SYTL5: variants seen among roughly 807,000 people sequenced by gnomAD.
The protein encoded by SYTL5 is synaptotagmin like 5.
A neutral mutation model predicts 55.9 loss-of-function variants in SYTL5; 34 were observed. The observed-to-expected ratio is 0.61, with a 90% CI of 0.46 to 0.81. The LOEUF (loss-of-function observed/expected upper bound fraction) is 0.81, where lower values mean the gene tolerates loss of function less well. Ranked by LOEUF, SYTL5 falls within the 30% of genes least tolerant of loss-of-function variation. The probability of loss-of-function intolerance (pLI) is 0.00; values close to 1 mark genes in which losing one functional copy is unlikely to be tolerated. For synonymous variants in SYTL5, 221 were observed against 188.7 expected (o/e 1.17, Z -1.40); for missense variants, 637 against 546.7 (o/e 1.17, Z -1.65).
chrX:37,984,832 C>T, the SYTL5 span, among the ~76,000 whole-genome samples: 12 of 111,638 alleles, frequency 1.1e-4, no homozygotes, highest in African/African-American at 3.9e-4. Flanking sequence ...TGGTTTAACA[C>T]CCCAAAATTA....
chrX:37,906,484 G>A, the SYTL5 span: 3 of 111,703 alleles, frequency 2.7e-5, no homozygotes, highest in Non-Finnish European at 5.6e-5. Flanking sequence ...GAGAGCCAGA[G>A]GGCTTAGCTG....
Position 38,076,791 on chromosome X carries a change from T to C in SYTL5, c.689+90T>C, listed in dbSNP as rs762285223. 79 of 965,730 alleles carry C rather than the reference T, an allele frequency of 8.2e-5. No individual in the cohort carries two copies. The Middle Eastern group carries it at 1.7e-3, about 21-fold the overall frequency. The allele number at this position is 965,730 out of a possible 1,213,427, so 79.6% of individuals were successfully genotyped here. A position where few individuals can be genotyped will look rare whatever the true frequency, so the allele number is the denominator to read the frequency against. ...AGGGGGATTTTAGGTATCTGTGAAA[T>C]ATTACCACTTGGAGAACTCCTAACA... On this transcript the variant is annotated intron_variant, in intron 6 of 16. Coordinates refer to ENST00000297875, the MANE Select transcript of SYTL5 (RefSeq NM_138780.3).
At chrX:37,914,413 C>T in the SYTL5 span, among the ~76,000 whole-genome samples, 3 of 111,555 alleles carry the variant, frequency 2.7e-5, no homozygotes, top group Non-Finnish European at 5.7e-5. Flanking sequence ...TTTCTCTATG[C>T]AAGAACACAG....
At chrX:38,089,408 G>T in intron 6 of SYTL5, 38 bp from the exon 7 acceptor site, 1 of 1,181,073 alleles carries the variant, frequency 8.5e-7, no homozygotes, top group Non-Finnish European at 1.1e-6. Flanking sequence ...TTGCTGCTCT[G>T]CTTCCATGTT....
Position 38,122,178 on chromosome X carries a change from G to T in SYTL5, c.1804G>T (p.Val602Leu). 1 of 1,209,211 alleles carries T rather than the reference G, an allele frequency of 8.3e-7. No individual in the cohort carries two copies. Among genetic ancestry groups the T allele is most frequent in the African/African-American group, 1.7e-5 (1 of 57,807 alleles). ...FIKEAKNLTA[V>L]KSGGTSDSFV... Reference sequence around the variant, plus strand: ...CAAAGAGGCAAAGAATTTGACAGCAGTGAAGTCAGGAGGCACTTCTGATAG... The same window carrying T: ...CAAAGAGGCAAAGAATTTGACAGCATTGAAGTCAGGAGGCACTTCTGATAG... Residue 602 changes from valine (V) to leucine (L), a missense_variant, in exon 15 of 17, where the codon GTG becomes TTG. Coordinates refer to ENST00000297875, the MANE Select transcript of SYTL5 (RefSeq NM_138780.3).
chrX:38,110,216 T>C (rs1371005356), intron 12 of SYTL5, 105 bp from the exon 13 acceptor site: 1 of 495,906 alleles, frequency 2.0e-6, no homozygotes, highest in Admixed American at 4.2e-5. Flanking sequence ...TTGTTCATAT[T>C]ACTGATGCAT....
the SYTL5 span, among the ~76,000 whole-genome samples, chrX:37,921,238 T>G: frequency 8.9e-6 from 1 of 111,853 alleles, no homozygotes; most frequent in Non-Finnish European, 1.9e-5. Flanking sequence ...GGAGCCAAGA[T>G]TCAAACCAAG....
At chrX:37,915,779 A>C in the SYTL5 span, among the ~76,000 whole-genome samples, 2 of 111,317 alleles carry the variant, frequency 1.8e-5, no homozygotes, top group African/African-American at 6.5e-5. Flanking sequence ...TGGACTCTTT[A>C]AATTCTACTG....
chrX:38,120,309 T>C, intron 13 of SYTL5, 49 bp from the exon 14 acceptor site: 1 of 922,035 alleles, frequency 1.1e-6, no homozygotes, highest in Non-Finnish European at 1.6e-6. Flanking sequence ...ACTACAATAC[T>C]AAGCCAATCA....
At chrX:38,081,136 C>T (rs1936522209) in intron 6 of SYTL5, among the ~76,000 whole-genome samples, 1 of 111,704 alleles carries the variant, frequency 9.0e-6, no homozygotes, top group Non-Finnish European at 1.9e-5. Context: ...CTTTCCTGTG[C>T]CTTTCCCTCC....
At chrX:38,102,506 G>T in intron 10 of SYTL5, 72 bp downstream of exon 10, 3 of 735,585 alleles carry the variant, frequency 4.1e-6, no homozygotes, top group Non-Finnish European at 4.2e-6. Context: ...TTCCAAAGGA[G>T]ATATGAATGT....
chrX:38,025,887 T>C (rs1306878301), intron 1 of SYTL5, among the ~76,000 whole-genome samples: 5 of 112,224 alleles, frequency 4.5e-5, no homozygotes, highest in African/African-American at 1.6e-4. Context: ...CTGAAAAATT[T>C]GATTTGGTTA....
the SYTL5 span, among the ~76,000 whole-genome samples, chrX:37,907,360 T>C: frequency 6.2e-5 from 7 of 112,215 alleles, no homozygotes; most frequent in African/African-American, 2.3e-4. Flanking sequence ...CCTATAATTA[T>C]AGAAAAGAAC....
At chrX:38,069,885 T>C (rs1476866696) in intron 3 of SYTL5, among the ~76,000 whole-genome samples, 2 of 112,133 alleles carry the variant, frequency 1.8e-5, no homozygotes, top group East Asian at 5.6e-4. Flanking sequence ...TTGAAATGTA[T>C]CCAGAAATAA....
At chrX:38,067,937 T>C (rs767260976) in intron 3 of SYTL5, among the ~76,000 whole-genome samples, 47 of 111,734 alleles carry the variant, frequency 4.2e-4, no homozygotes, top group Non-Finnish European at 7.0e-4. Flanking sequence ...AATTGACAAA[T>C]GAGACCTAAT....
At chrX:37,986,827 A>G in the SYTL5 span, among the ~76,000 whole-genome samples, 1 of 112,047 alleles carries the variant, frequency 8.9e-6, no homozygotes, top group Non-Finnish European at 1.9e-5. Flanking sequence ...AGGGAGCAGT[A>G]AGCAGGTTTC....
intron 3 of SYTL5, among the ~76,000 whole-genome samples, chrX:38,069,105 G>C (rs917786406): frequency 9.0e-6 from 1 of 111,109 alleles, no homozygotes; most frequent in Non-Finnish European, 1.9e-5. Context: ...GGGCCATAGT[G>C]TGCCTACCTT....
chrX:38,119,597 T>C (rs1353865361), intron 13 of SYTL5, among the ~76,000 whole-genome samples: 5 of 112,539 alleles, frequency 4.4e-5, no homozygotes, highest in African/African-American at 1.6e-4. Flanking sequence ...AGGAAATCCA[T>C]GTGGTTTCCA....
the SYTL5 span, chrX:37,990,939 C>G: frequency 8.3e-7 from 1 of 1,211,796 alleles, no homozygotes; most frequent in Non-Finnish European, 1.1e-6. Flanking sequence ...CTTCGTGGAC[C>G]GCGTTGTGCA....
Sources: allele counts gnomAD v4.1 joint callset (sites outside exome capture counted in the v4.1 genomes callset), GRCh38; gene constraint gnomAD v4.1.1; transcripts MANE v1.5; gene names NCBI Gene and HGNC (gene_info 2026-07-23, HGNC 2026-07-21).